The following TVP23C variants were observed in gnomAD, a reference collection of about 807,000 sequenced individuals.
The protein encoded by TVP23C is trans-golgi network vesicle protein 23 homolog C, also known as Golgi apparatus membrane protein TVP23 homolog C.
In TVP23C, 19 loss-of-function variants were observed where a neutral mutation model predicts 28.7. The observed-to-expected ratio is 0.66, with a 90% confidence interval of 0.46 to 0.97. TVP23C has a LOEUF of 0.97. TVP23C is among the 50% of genes least tolerant of loss of function. The pLI is 0.00. For synonymous variants in TVP23C, 68 were observed against 81.7 expected (o/e 0.83, Z 0.90); for missense variants, 186 against 241.3 (o/e 0.77, Z 1.52).
chr17:15,538,184 A>G lies in TVP23C; in HGVS notation c.*2228T>C, dbSNP rs1983239068. 2 of 1,613,612 alleles carry G rather than the reference A, an allele frequency of 1.2e-6. No homozygotes were observed. Among genetic ancestry groups the G allele is most frequent in the Admixed American group, 1.7e-5 (1 of 59,940 alleles). On this transcript the variant is annotated 3_prime_UTR_variant, in exon 6 of 6. Coordinates refer to ENST00000518321, the MANE Select transcript of TVP23C (RefSeq NM_001135036.2). ...AAAGACAAAAAAAGAACTCCTTAAC[A>G]TCAAAGTTATTTCACTTCACACACC...
chr17:15,535,532 G>A (rs2150844938), downstream of TVP23C, among the ~76,000 whole-genome samples: 1 of 151,662 alleles, frequency 6.6e-6, no homozygotes, highest in East Asian at 1.9e-4. Context: ...AGCCATCACT[G>A]TGCTCCATCC....
At chr17:15,561,547 C>T (rs193021396) in intron 1 of TVP23C, among the ~76,000 whole-genome samples, 133 of 150,930 alleles carry the variant, frequency 8.8e-4, no homozygotes, top group African/African-American at 3.1e-3. Flanking sequence ...TGCAGTGAGC[C>T]GAGATCACAC....
intron 5 of TVP23C, among the ~76,000 whole-genome samples, chr17:15,514,025 G>A (rs903244391): frequency 6.6e-6 from 1 of 152,208 alleles, no homozygotes; most frequent in Non-Finnish European, 1.5e-5. Flanking sequence ...ACAGCATTGA[G>A]AAGCATCCTC....
At chr17:15,516,367 TAACAAAGTTCCTTAGACTGGGTGGATTA>T (rs1982227765) in intron 5 of TVP23C, 1 of 152,210 alleles carries the variant, frequency 6.6e-6, no homozygotes, top group Non-Finnish European at 1.5e-5. Context: ...CAGGCTGTCA[TAACAAAGTTCCTTAGACTGGGTGGATTA>T]AACAACAGAA....
At chr17:15,534,827 G>A (rs1983091693), downstream of TVP23C, among the ~76,000 whole-genome samples, 1 of 151,738 alleles carries the variant, frequency 6.6e-6, no homozygotes, top group Non-Finnish European at 1.5e-5. Context: ...AATTAGCCGG[G>A]CGTGGTGGTG....
chr17:15,536,262 T>C (rs554325341), downstream of TVP23C, among the ~76,000 whole-genome samples: 7 of 152,306 alleles, frequency 4.6e-5, no homozygotes, highest in South Asian at 1.5e-3. Flanking sequence ...AGTATCTACC[T>C]CATTTCTCTG....
In TVP23C at chr17:15,539,590, A is replaced by C; in HGVS notation, c.*822T>G. 1.0e-6 allele frequency: 1 copy of C among 961,150 alleles called. No individual in the cohort carries two copies. The highest frequency in any genetic ancestry group is 5.3e-4 in the Middle Eastern group (1 of 1,872). 59.5% of individuals were successfully genotyped at this position (961,150 alleles called of 1,614,324 possible). A position where few individuals can be genotyped will look rare whatever the true frequency, so the allele number is the denominator to read the frequency against. On this transcript the variant is annotated 3_prime_UTR_variant, in exon 6 of 6. Coordinates refer to ENST00000518321, the MANE Select transcript of TVP23C (RefSeq NM_001135036.2). ...TGCACTCCAGCCTGGGCGACAGAGC[A>C]AGACTCCATCTCAAGAAAAAAAAAA...
At chr17:15,502,898 C>A (rs1981536791) in exon 6 of TVP23C, 1 of 1,592,930 alleles carries the variant, frequency 6.3e-7, no homozygotes, top group East Asian at 2.2e-5. Flanking sequence ...AAATTTTGGC[C>A]CGGGCTCACC....
intron 3 of TVP23C, 27 bp downstream of exon 3, chr17:15,553,658 T>C: frequency 6.3e-7 from 1 of 1,575,030 alleles, no homozygotes; most frequent in Non-Finnish European, 8.6e-7. Flanking sequence ...TTAAATATAA[T>C]TTTAAAATAA....
Position 15,539,103 on chromosome 17 carries a change from T to C in TVP23C, c.*1309A>G, listed in dbSNP as rs1022627442. On this transcript the variant is annotated 3_prime_UTR_variant, in exon 6 of 6. Transcript: ENST00000518321. ...ATCTAAAATGTAATCCCTGGACCAGTGCCCTCAGTACCACCCAGAAACTTG... is the reference window on the plus strand; with the variant it reads ...ATCTAAAATGTAATCCCTGGACCAGCGCCCTCAGTACCACCCAGAAACTTG... The C allele has an allele frequency of 4.1e-6, 4 of 972,808 alleles. No individual in the cohort carries two copies. The highest frequency in any genetic ancestry group is 4.8e-5 in the South Asian group (1 of 20,992). 60.3% of individuals were successfully genotyped at this position (972,808 alleles called of 1,614,324 possible).
intron 5 of TVP23C, among the ~76,000 whole-genome samples, chr17:15,505,673 C>T (rs1981693075): frequency 6.6e-6 from 1 of 152,228 alleles, no homozygotes; most frequent in African/African-American, 2.4e-5. Context: ...AGCCCACTCC[C>T]TCAGCTTGCA....
rs1984091575 is a variant in TVP23C at position 15,555,508 on chromosome 17, C to A, written c.13-144G>T. The A allele has an allele frequency of 4.5e-6, 6 of 1,332,290 alleles. No individual in the cohort carries two copies. The South Asian group carries it at 8.7e-5, about 19-fold the overall frequency. 82.5% of individuals were successfully genotyped at this position (1,332,290 alleles called of 1,614,324 possible). On this transcript the variant is annotated intron_variant, in intron 1 of 5. Coordinates refer to ENST00000518321, the MANE Select transcript of TVP23C (RefSeq NM_001135036.2). ...GGAATTCAAAACCTAGAAAAGGACA[C>A]ATGCAGATCCTCCACCCGCCTCCTC...
rs1340188509 is a variant in TVP23C at position 15,538,468 on chromosome 17, C to T, written c.*1944G>A. The T allele has an allele frequency of 5.8e-6, 4 of 687,526 alleles. No individual in the cohort carries two copies. The highest frequency in any genetic ancestry group is 1.3e-4 in the Admixed American group (2 of 15,830). The allele number at this position is 687,526 out of a possible 1,614,324, so 42.6% of individuals were successfully genotyped here. On this transcript the variant is annotated 3_prime_UTR_variant, in exon 6 of 6. Transcript: ENST00000518321. ...AGCCAGGCGTGGTGGCGGGCGCCTG[C>T]AATCCCAGCTACTCGGGAGGCTGAG...
In TVP23C at chr17:15,518,263, A is replaced by G. The variant is rs923896428; in HGVS notation, c.463-15031T>C. On this transcript the variant is annotated intron_variant, in intron 5 of 5. Transcript: ENST00000225576. ...GAGGTGAAGCCAATACAGCATCAAG[A>G]TCTACCCAAATATAAGGGGGTTCAG... Among the ~76,000 whole-genome samples, 21 of 152,012 alleles carry G rather than the reference A, an allele frequency of 1.4e-4. 1 individual carries two copies. The highest frequency in any genetic ancestry group is 5.1e-4 in the African/African-American group (21 of 41,384).
At chr17:15,527,877 C>G (rs1251784982) in intron 5 of TVP23C, among the ~76,000 whole-genome samples, 2 of 152,212 alleles carry the variant, frequency 1.3e-5, no homozygotes, top group Non-Finnish European at 2.9e-5. Flanking sequence ...TGCTCGAATG[C>G]TTACATAACA....
intron 5 of TVP23C, among the ~76,000 whole-genome samples, chr17:15,526,169 T>C (rs1982719032): frequency 1.2e-5 from 1 of 82,580 alleles, no homozygotes; most frequent in Non-Finnish European, 2.4e-5. Flanking sequence ...TGTTACAGCT[T>C]CAACTCTGCT....
At chr17:15,511,742 T>C (rs1203208759) in intron 5 of TVP23C, among the ~76,000 whole-genome samples, 2 of 152,232 alleles carry the variant, frequency 1.3e-5, no homozygotes, top group East Asian at 3.8e-4. Context: ...CACTGTTATA[T>C]ATTTTTTCCT....
intron 5 of TVP23C, among the ~76,000 whole-genome samples, chr17:15,518,087 G>A (rs1282466334): frequency 2.0e-5 from 3 of 146,714 alleles, no homozygotes; most frequent in Non-Finnish European, 4.4e-5. Context: ...AGAATCACTT[G>A]AACCCAAGAG....
chr17:15,530,059 A>G (rs1982890461), intron 5 of TVP23C, among the ~76,000 whole-genome samples: 1 of 152,194 alleles, frequency 6.6e-6, no homozygotes, highest in African/African-American at 2.4e-5. Context: ...TAGACCTCCC[A>G]AAGTGCTGGG....
Sources: gnomAD v4.1 joint callset for allele counts (sites outside exome capture counted in the v4.1 genomes callset) on GRCh38, gnomAD v4.1.1 for gene constraint, MANE v1.5 for transcripts, NCBI Gene and HGNC (gene_info 2026-07-23, HGNC 2026-07-21) for gene names.